ALKBH7: variants seen among roughly 807,000 people sequenced by gnomAD.
The protein encoded by ALKBH7 is RNA demethylase ALKBH7, mitochondrial.
Under a neutral mutation model 19.3 loss-of-function variants are expected in ALKBH7, and 21 were observed. That is an observed-to-expected ratio of 1.09 (90% CI 0.77 to 1.56). The LOEUF (loss-of-function observed/expected upper bound fraction) is 1.56, where lower values mean the gene tolerates loss of function less well. Among genes scored for constraint, ALKBH7 ranks in the 40% most tolerant of loss-of-function variants. ALKBH7 has a pLI of 0.00. For synonymous variants in ALKBH7, 147 were observed against 139.5 expected (o/e 1.05, Z -0.38); for missense variants, 354 against 311.4 (o/e 1.14, Z -1.03).
In ALKBH7 at chr19:6,374,603, G is replaced by A; in HGVS notation, c.503+14G>A. On this transcript the variant is annotated intron_variant, in intron 3 of 3. Transcript: ENST00000245812. ...CTACATCCTTAGGTACCTCCATCCAGGCAGCACCCACCCCTCCAAGAATGT... is the reference window on the plus strand; with the variant it reads ...CTACATCCTTAGGTACCTCCATCCAAGCAGCACCCACCCCTCCAAGAATGT... 6.2e-7 allele frequency: 1 copy of A among 1,612,544 alleles called. No homozygotes were observed.
chr19:6,373,681 C>T (rs1599201921), intron 1 of ALKBH7: 9 of 1,247,428 alleles, frequency 7.2e-6, no homozygotes, highest in East Asian at 6.3e-5. Flanking sequence ...GAGGGCAGAA[C>T]CACGCTGGGG....
At chr19:6,373,758 G>A (rs1460555316) in intron 1 of ALKBH7, 2 of 1,226,946 alleles carry the variant, frequency 1.6e-6, no homozygotes, top group South Asian at 6.1e-5. Context: ...CTATTGCAGG[G>A]ATTTGGGAGC....
chr19:6,374,535 A>G lies in ALKBH7; in HGVS notation c.449A>G (p.Glu150Gly). ...PSVMRLVHTQ[E>G]PGEWLELLLE... ...GTTATGCGGCTGGTGCACACCCAGG[A>G]GCCGGGGGAGTGGCTGGAACTCTTG... is the stretch of plus-strand genomic sequence containing the variant. The change falls in exon 3 of 4, where the codon GAG (glutamate) becomes GGG (glycine). Residue 150 changes from glutamate (E) to glycine (G), a missense_variant. By Grantham distance (98) the Glu-to-Gly change is moderately conservative. Transcript: ENST00000245812. 1 of 1,613,866 alleles carries G rather than the reference A, an allele frequency of 6.2e-7. No homozygotes were observed. Among genetic ancestry groups the G allele is most frequent in the Non-Finnish European group, 8.5e-7 (1 of 1,179,944 alleles).
chr19:6,375,038 C>T lies in ALKBH7; in HGVS notation c.*65C>T. On this transcript the variant is annotated 3_prime_UTR_variant, in exon 4 of 4. Transcript: ENST00000245812. ...TGGGGAATGGACAGCCTAACTGGGA[C>T]ATTGCAGTGGCTGCTTGCTGGGGCC... 6.6e-7 allele frequency: 1 copy of T among 1,513,348 alleles called. No individual in the cohort carries two copies. The highest frequency in any genetic ancestry group is 8.8e-7 in the Non-Finnish European group (1 of 1,132,328). 93.7% of individuals were successfully genotyped at this position (1,513,348 alleles called of 1,614,324 possible). A position where few individuals can be genotyped will look rare whatever the true frequency, so the allele number is the denominator to read the frequency against.
rs769445263 is a variant in ALKBH7, at chr19:6,374,343, CG to C, written c.347del (p.Gly116AlafsTer85). On this transcript the variant is annotated frameshift_variant, in exon 2 of 4. Transcript: ENST00000245812. LOFTEE classifies it high-confidence loss of function. ...TGCACGTGCTGGACCTGGAAGCCCG[CG>C]GCTACATCAAGCCCCACGTGGACAG... ...SVHVLDLEAR[G>X]YIKPHVDSIK... 1.2e-6 allele frequency: 2 copies of C among 1,610,536 alleles called. No individual in the cohort carries two copies. Among genetic ancestry groups the C allele is most frequent in the Non-Finnish European group, 1.7e-6 (2 of 1,178,926 alleles).
At chr19:6,373,255 G>A in intron 1 of ALKBH7, among the ~76,000 whole-genome samples, 2 of 146,440 alleles carry the variant, frequency 1.4e-5, no homozygotes, top group East Asian at 2.0e-4. Flanking sequence ...GGGCCAGGGG[G>A]GTCGGGCGCA....
chr19:6,375,238 A>G lies in ALKBH7; in HGVS notation c.*265A>G. The G allele has an allele frequency of 1.4e-6, 2 of 1,389,378 alleles. No homozygotes were observed. The allele number at this position is 1,389,378 out of a possible 1,614,324, so 86.1% of individuals were successfully genotyped here. On this transcript the variant is annotated 3_prime_UTR_variant, in exon 4 of 4. Transcript: ENST00000245812. Reference sequence around the variant, plus strand: ...GTCTCTGCATCCAGGTCTCCAATAAATAAGTCAGCCGAGCTCCCCCAGCAC... The same window carrying G: ...GTCTCTGCATCCAGGTCTCCAATAAGTAAGTCAGCCGAGCTCCCCCAGCAC...
Position 6,375,082 on chromosome 19 carries a change from C to G in ALKBH7, c.*109C>G. ...TGGGGCCGGGATTTGCAGGGGAACC[C>G]AGGATGGCACTGGCCCATAGGGAGC... On this transcript the variant is annotated 3_prime_UTR_variant, in exon 4 of 4. Coordinates refer to ENST00000245812, the MANE Select transcript of ALKBH7 (RefSeq NM_032306.4). 1 of 1,427,796 alleles carries G rather than the reference C, an allele frequency of 7.0e-7. No individual in the cohort carries two copies. The allele number at this position is 1,427,796 out of a possible 1,614,324, so 88.4% of individuals were successfully genotyped here.
chr19:6,373,128 A>AGAGCGGGGATTTG (rs2091899736), intron 1 of ALKBH7, 104 bp downstream of exon 1: 1 of 1,385,522 alleles, frequency 7.2e-7, no homozygotes, highest in Admixed American at 2.5e-5. Flanking sequence ...GGCGGTACCT[A>AGAGCGGGGATTTG]GAGCGGGGAT....
chr19:6,375,154 A>G lies in ALKBH7; in HGVS notation c.*181A>G. On this transcript the variant is annotated 3_prime_UTR_variant, in exon 4 of 4. Transcript: ENST00000245812. ...ACATGGTCAAAGTCACAAGGCCGGGAGAGTGGTGTCCTTTATTGCACTCAC... is the reference window on the plus strand; with the variant it reads ...ACATGGTCAAAGTCACAAGGCCGGGGGAGTGGTGTCCTTTATTGCACTCAC... 7.8e-7 allele frequency: 1 copy of G among 1,286,952 alleles called. No individual in the cohort carries two copies. Among genetic ancestry groups the G allele is most frequent in the South Asian group, 1.6e-5 (1 of 61,252 alleles). 79.7% of individuals were successfully genotyped at this position (1,286,952 alleles called of 1,614,324 possible).
chr19:6,374,520 TGGTGCACACCCA>T lies in ALKBH7; in HGVS notation c.437_448del (p.Val146_Gln149del), dbSNP rs751339323. ...CTCCTGTCTCCCAGCGTTATGCGGC[TGGTGCACACCCA>T]GGAGCCGGGGGAGTGGCTGGAACTC... On this transcript the variant is annotated inframe_deletion, in exon 3 of 4. Coordinates refer to ENST00000245812, the MANE Select transcript of ALKBH7 (RefSeq NM_032306.4). The T allele has an allele frequency of 9.3e-6, 15 of 1,614,000 alleles. No homozygotes were observed. The highest frequency in any genetic ancestry group is 1.6e-4 in the Middle Eastern group (1 of 6,074).
At chr19:6,373,742 C>T (rs1384111098) in intron 1 of ALKBH7, 7 of 1,152,968 alleles carry the variant, frequency 6.1e-6, no homozygotes, top group East Asian at 8.5e-5. Flanking sequence ...TTTTTGGGGT[C>T]GGTAGCTATT....
Position 6,373,016 on chromosome 19 carries a change from T to C in ALKBH7, c.196T>C (p.Trp66Arg). The C allele has an allele frequency of 6.4e-7, 1 of 1,567,102 alleles. No homozygotes were observed. The highest frequency in any genetic ancestry group is 8.6e-7 in the Non-Finnish European group (1 of 1,158,902). Residue 66 changes from tryptophan (W) to arginine (R), a missense_variant, in exon 1 of 4, where the codon TGG becomes CGG. Trp to Arg is a moderately radical substitution (Grantham distance 101). Transcript: ENST00000245812. ...LRRRRYEYDH[W>R]DAAIHGFRET... ...CCGCCGCCGCTACGAATACGATCAC[T>C]GGGACGCGGTGAGACCGGCAGCGCC...
rs1380695607 is a variant in ALKBH7, at chr19:6,375,167, T to G, written c.*194T>G. 203 of 1,290,290 alleles carry G rather than the reference T, an allele frequency of 1.6e-4. No homozygotes were observed. The East Asian group carries it at 5.3e-3, about 34-fold the overall frequency. The allele number at this position is 1,290,290 out of a possible 1,614,324, so 79.9% of individuals were successfully genotyped here. A position where few individuals can be genotyped will look rare whatever the true frequency, so the allele number is the denominator to read the frequency against. ...CACAAGGCCGGGAGAGTGGTGTCCT[T>G]TATTGCACTCACTGCTGGTCGCCCC... On this transcript the variant is annotated 3_prime_UTR_variant, in exon 4 of 4. Transcript: ENST00000245812.
At chr19:6,373,849 G>A (rs1157983623) in intron 1 of ALKBH7, 12 of 1,313,428 alleles carry the variant, frequency 9.1e-6, no homozygotes, top group Middle Eastern at 2.8e-4. Flanking sequence ...GGGTCAGGGA[G>A]AGCACTTTTG....
At chr19:6,373,685 G>T (rs565730216) in intron 1 of ALKBH7, 11 of 1,249,944 alleles carry the variant, frequency 8.8e-6, no homozygotes, top group Middle Eastern at 3.0e-4. Context: ...GCAGAACCAC[G>T]CTGGGGGCGG....
chr19:6,374,904 C>T lies in ALKBH7; in HGVS notation c.597C>T (p.Ser199=), dbSNP rs753362202. ...GGATTCCCCGGGGCCGGCGCATCTC[C>T]GTGATCTGCCGCTCCCTCCCTGAGG... ...ERRIPRGRRI[S]VICRSLPEGM... The change falls in exon 4 of 4, where the codon TCC becomes TCT. Residue 199 remains serine, a synonymous_variant. Coordinates refer to ENST00000245812, the MANE Select transcript of ALKBH7 (RefSeq NM_032306.4). The T allele has an allele frequency of 6.2e-6, 10 of 1,614,010 alleles. No individual in the cohort carries two copies. The highest frequency in any genetic ancestry group is 2.2e-5 in the East Asian group (1 of 44,876).
At position 6,374,832 on chromosome 19, in the gene ALKBH7, C is replaced by G. The variant is rs375416717; in HGVS notation, c.525C>G (p.Phe175Leu). The change falls in exon 4 of 4, where the codon TTC becomes TTG. Residue 175 changes from phenylalanine (F) to leucine (L), a missense_variant. Transcript: ENST00000245812. ...GCAGGGGCTCAGCCCGTTATGACTTCTCCCATGAGATCCTTCGGGATGAAG... is the reference window on the plus strand; with the variant it reads ...GCAGGGGCTCAGCCCGTTATGACTTGTCCCATGAGATCCTTCGGGATGAAG... ...YILRGSARYD[F>L]SHEILRDEES... 3.7e-6 allele frequency: 6 copies of G among 1,613,502 alleles called. No homozygotes were observed. Among genetic ancestry groups the G allele is most frequent in the East Asian group, 2.2e-5 (1 of 44,866 alleles).
intron 3 of ALKBH7, 73 bp downstream of exon 3, chr19:6,374,662 C>T: frequency 1.9e-6 from 3 of 1,609,170 alleles, no homozygotes; most frequent in South Asian, 2.2e-5. Flanking sequence ...GGGTACTTTC[C>T]CTCAATCCAG....
Sources: gnomAD v4.1 joint callset for allele counts (sites outside exome capture counted in the v4.1 genomes callset) on GRCh38, gnomAD v4.1.1 for gene constraint, MANE v1.5 for transcripts, NCBI Gene and HGNC (gene_info 2026-07-23, HGNC 2026-07-21) for gene names.